The following RNF157 variants were observed in gnomAD, a reference collection of about 807,000 sequenced individuals.
RNF157 encodes the protein ring finger protein 157, also known as E3 ubiquitin ligase RNF157.
Under a neutral mutation model 88.3 loss-of-function variants are expected in RNF157, and 55 were observed. The observed-to-expected ratio is 0.62, with a 90% CI of 0.50 to 0.78. The LOEUF (loss-of-function observed/expected upper bound fraction) is 0.78. RNF157 is among the 30% of genes least tolerant of loss of function. RNF157 has a pLI of 0.00. For missense variants in RNF157, 788 were observed against 860.8 expected, an observed-to-expected ratio of 0.92 and a Z score of 1.06; for synonymous variants, 334 against 341.2, an observed-to-expected ratio of 0.98 and a Z score of 0.23.
rs56722925 is a variant in RNF157 at position 76,182,795 on chromosome 17, T to G, written c.208-9005A>C. Among the ~76,000 whole-genome samples the G allele has an allele frequency of 5.4e-3, 660 of 121,962 alleles. 18 individuals carry two copies. The highest frequency in any genetic ancestry group is 0.025 in the African/African-American group (610 of 24,428). 80.0% of individuals were successfully genotyped at this position (121,962 alleles called of 152,430 possible). A position where few individuals can be genotyped will look rare whatever the true frequency, so the allele number is the denominator to read the frequency against. On this transcript the variant is annotated intron_variant, in intron 2 of 18. Coordinates refer to ENST00000269391, the MANE Select transcript of RNF157 (RefSeq NM_052916.3). Reference sequence around the variant, plus strand: ...TATATATATATATATATATGAGAGATATATATATGAGAGAGATATATATCC... The same window carrying G: ...TATATATATATATATATATGAGAGAGATATATATGAGAGAGATATATATCC...
chr17:76,229,512 T>C lies in RNF157; in HGVS notation c.88+10641A>G, dbSNP rs192297891. Among the ~76,000 whole-genome samples the C allele has an allele frequency of 1.9e-3, 287 of 152,380 alleles. 6 individuals are homozygous for C. The highest frequency in any genetic ancestry group is 0.017 in the Admixed American group (262 of 15,298). ...ATAAATTTTGGCTTCTCCCTTCCCA[T>C]ACTCAACTCCCAAACCTTTGTCTCT... On this transcript the variant is annotated intron_variant, in intron 1 of 18. Transcript: ENST00000269391.
Position 76,222,649 on chromosome 17 carries a change from G to A in RNF157, c.89-10167C>T, listed in dbSNP as rs1020365775. 3.9e-4 allele frequency among the ~76,000 whole-genome samples: 60 copies of A among 152,058 alleles called. 1 individual carries two copies. Among genetic ancestry groups the A allele is most frequent in the Admixed American group, 3.9e-3 (60 of 15,250 alleles). On this transcript the variant is annotated intron_variant, in intron 1 of 18. Transcript: ENST00000269391. Reference sequence around the variant, plus strand: ...CCATTTTTCAGTTGAGGAAACTAAGGATTAGAAGAGTTCAGTGACTCACAC... The same window carrying A: ...CCATTTTTCAGTTGAGGAAACTAAGAATTAGAAGAGTTCAGTGACTCACAC...
rs138236457 is a variant in RNF157 at position 76,193,466 on chromosome 17, C to T, written c.207+18898G>A. On this transcript the variant is annotated intron_variant, in intron 2 of 18. Coordinates refer to ENST00000269391, the MANE Select transcript of RNF157 (RefSeq NM_052916.3). ...ACAGTTAGGATATATCTCACTTGGT[C>T]GTGACCCAGAAGAATTATTGTAGAT... 2.8e-3 allele frequency among the ~76,000 whole-genome samples: 428 copies of T among 152,232 alleles called. 4 individuals carry two copies. The highest frequency in any genetic ancestry group is 9.7e-3 in the African/African-American group (404 of 41,516).
chr17:76,169,873 A>G (rs1452047641), intron 3 of RNF157, among the ~76,000 whole-genome samples: 1 of 152,148 alleles, frequency 6.6e-6, no homozygotes, highest in Non-Finnish European at 1.5e-5. Flanking sequence ...GAGCCACCGC[A>G]CCTGGCCTAG....
intron 2 of RNF157, among the ~76,000 whole-genome samples, chr17:76,189,953 T>C (rs916692674): frequency 5.3e-5 from 8 of 152,176 alleles, no homozygotes; most frequent in Admixed American, 6.5e-5. Context: ...TCCAGCCCTG[T>C]AGACCTTCCA....
At chr17:76,151,586 C>A (rs1017681887) in intron 18 of RNF157, among the ~76,000 whole-genome samples, 1 of 152,218 alleles carries the variant, frequency 6.6e-6, no homozygotes, top group Non-Finnish European at 1.5e-5. Context: ...TCCGCTTGGG[C>A]AAGATGTGGA....
chr17:76,149,236 G>A (rs1359192354), intron 18 of RNF157, among the ~76,000 whole-genome samples: 3 of 152,102 alleles, frequency 2.0e-5, no homozygotes, highest in Admixed American at 1.3e-4. Flanking sequence ...AACCAACAAG[G>A]TTCGCAGTCC....
At chr17:76,230,847 AAAAAAAAAAAAAG>A (rs1185648879) in intron 1 of RNF157, among the ~76,000 whole-genome samples, 1 of 114,780 alleles carries the variant, frequency 8.7e-6, no homozygotes, top group Admixed American at 8.7e-5. Flanking sequence ...AAAAAAAAAA[AAAAAAAAAAAAAG>A]AGAGAGAGAG....
At chr17:76,229,695 A>G (rs1315076215) in intron 1 of RNF157, among the ~76,000 whole-genome samples, 2 of 152,220 alleles carry the variant, frequency 1.3e-5, no homozygotes, top group African/African-American at 4.8e-5. Context: ...CTCTTAGGGA[A>G]GGCACTATCT....
intron 7 of RNF157, 49 bp downstream of exon 7, chr17:76,165,453 G>A (rs1015596754): frequency 1.3e-5 from 21 of 1,599,188 alleles, no homozygotes; most frequent in Admixed American, 5.0e-5. Context: ...TGTCTCACAC[G>A]AAAGAAAGGG....
intron 6 of RNF157, 71 bp from the exon 7 acceptor site, chr17:76,165,616 T>C (rs1275906339): frequency 3.9e-6 from 6 of 1,529,208 alleles, no homozygotes; most frequent in Non-Finnish European, 5.4e-6. Context: ...CTTTCTCCAG[T>C]TCCCTGCAAT....
At chr17:76,181,359 T>G (rs571423941) in intron 2 of RNF157, among the ~76,000 whole-genome samples, 28 of 152,262 alleles carry the variant, frequency 1.8e-4, no homozygotes, top group African/African-American at 6.5e-4. Context: ...CTCCTTTCTA[T>G]CTTTAACAGG....
At chr17:76,147,279 A>G (rs1046335787) in intron 18 of RNF157, 3 of 984,606 alleles carry the variant, frequency 3.0e-6, no homozygotes, top group African/African-American at 3.5e-5. Context: ...CTATTCCTCA[A>G]TGTTTATGGG....
At chr17:76,233,491 G>A (rs1216567010) in intron 1 of RNF157, among the ~76,000 whole-genome samples, 2 of 152,078 alleles carry the variant, frequency 1.3e-5, no homozygotes, top group Non-Finnish European at 2.9e-5. Flanking sequence ...TTTCTCCTAT[G>A]TCTTCTTTTA....
rs1274405032 is a variant in RNF157 at position 76,157,574 on chromosome 17, A to G, written c.1413+819T>C. On this transcript the variant is annotated intron_variant, in intron 13 of 18. Transcript: ENST00000269391. This position sits in a 1 kb window ranked among gnomAD's most constrained non-coding sequence, Gnocchi z 5.6. ...CAATGATCTTTTCCATCTCTGACAC[A>G]GCAATTTATCGTCTCTGTTTTGGGC... Among the ~76,000 whole-genome samples the G allele has an allele frequency of 6.6e-6, 1 of 152,248 alleles. No homozygotes were observed. Among genetic ancestry groups the G allele is most frequent in the Non-Finnish European group, 1.5e-5 (1 of 68,042 alleles).
chr17:76,173,803 C>T lies in RNF157; in HGVS notation c.208-13G>A. Reference sequence around the variant, plus strand: ...CGGCGTAAGGAAACTGTGTCAGAAACAAAGCAGGAGAAGGTGGTGTGTTTA... The same window carrying T: ...CGGCGTAAGGAAACTGTGTCAGAAATAAAGCAGGAGAAGGTGGTGTGTTTA... On this transcript the variant is annotated splice_polypyrimidine_tract_variant and intron_variant, in intron 2 of 18. Coordinates refer to ENST00000269391, the MANE Select transcript of RNF157 (RefSeq NM_052916.3). 2 of 1,599,394 alleles carry T rather than the reference C, an allele frequency of 1.3e-6. No individual in the cohort carries two copies. The highest frequency in any genetic ancestry group is 1.7e-6 in the Non-Finnish European group (2 of 1,170,692).
chr17:76,166,432 C>T (rs921451656), intron 6 of RNF157, 29 bp downstream of exon 6: 53 of 1,593,992 alleles, frequency 3.3e-5, no homozygotes, highest in Non-Finnish European at 4.2e-5. Context: ...GCAGTGTGCA[C>T]AGCCAAAGAG....
In RNF157 at chr17:76,157,412, T is replaced by C. The variant is rs1220364382; in HGVS notation, c.1413+981A>G. Among the ~76,000 whole-genome samples the C allele has an allele frequency of 2.6e-5, 4 of 152,234 alleles. No individual in the cohort carries two copies. The highest frequency in any genetic ancestry group is 9.6e-5 in the African/African-American group (4 of 41,468). ...CCCCTGGCTTGCTCCGAGCCCCGAC[T>C]TCCTGCTCTGTGCCTTTGCATGCAT... On this transcript the variant is annotated intron_variant, in intron 13 of 18. Coordinates refer to ENST00000269391, the MANE Select transcript of RNF157 (RefSeq NM_052916.3). The surrounding 1 kb of genome is among the most constrained non-coding windows in gnomAD (Gnocchi z 5.6).
intron 1 of RNF157, chr17:76,225,758 A>AC: frequency 6.5e-7 from 1 of 1,528,662 alleles, no homozygotes; most frequent in Non-Finnish European, 8.7e-7. Flanking sequence ...CAACTAGGGG[A>AC]CCCTTTTCTT....
Sources: gnomAD v4.1 joint callset for allele counts (sites outside exome capture counted in the v4.1 genomes callset) on GRCh38, gnomAD v4.1.1 for gene constraint, Gnocchi (gnomAD v3.1) non-coding constraint, MANE v1.5 for transcripts, NCBI Gene and HGNC (gene_info 2026-07-23, HGNC 2026-07-21) for gene names.